Variants in KNTC1 observed in about 807,000 individuals in gnomAD.
The protein encoded by KNTC1 is kinetochore associated 1.
In KNTC1, 253 loss-of-function variants were observed where a neutral mutation model predicts 314.4. That is an observed-to-expected ratio of 0.80 (90% CI 0.73 to 0.89). KNTC1 has a LOEUF of 0.89. KNTC1 is among the 40% of genes least tolerant of loss of function. The pLI is 0.00. For missense variants in KNTC1, 2,475 were observed against 2,572.9 expected, an observed-to-expected ratio of 0.96 and a Z score of 0.82; for synonymous variants, 901 against 901.4, an observed-to-expected ratio of 1.00 and a Z score of 0.01.
intron 27 of KNTC1, among the ~76,000 whole-genome samples, chr12:122,575,178 T>C (rs1791594611): frequency 6.6e-6 from 1 of 152,024 alleles, no homozygotes; most frequent in Admixed American, 6.6e-5. Context: ...GGAGAATCGC[T>C]TGAACCCAGG....
intron 49 of KNTC1, 49 bp from the exon 50 acceptor site, chr12:122,604,828 C>T (rs770202514): frequency 1.3e-6 from 2 of 1,530,978 alleles, no homozygotes; most frequent in Admixed American, 2.0e-5. Context: ...TTGGCTTCAA[C>T]TGAGGCTTAC....
intron 22 of KNTC1, among the ~76,000 whole-genome samples, chr12:122,570,238 C>T (rs1308752745): frequency 6.6e-6 from 1 of 151,686 alleles, no homozygotes; most frequent in Non-Finnish European, 1.5e-5. Flanking sequence ...AAAGAATGAG[C>T]CTGGGTGCAG....
In KNTC1 at chr12:122,584,287, TAAG is replaced by T; in HGVS notation, c.3274_3276del (p.Lys1092del). 1 of 1,609,770 alleles carries T rather than the reference TAAG, an allele frequency of 6.2e-7. No individual in the cohort carries two copies. Among genetic ancestry groups the T allele is most frequent in the Non-Finnish European group, 8.5e-7 (1 of 1,177,480 alleles). The stretch of plus-strand genomic sequence containing the variant: ...TTTCTTTCTTCCAAAGCGACTTGTT[TAAG>T]TATCACTGCAATGCTGACACTGGGA... On this transcript the variant is annotated inframe_deletion, in exon 35 of 64. Coordinates refer to ENST00000333479, the MANE Select transcript of KNTC1 (RefSeq NM_014708.6).
chr12:122,608,253 G>A (rs911526956), intron 51 of KNTC1, among the ~76,000 whole-genome samples: 12 of 152,042 alleles, frequency 7.9e-5, no homozygotes, highest in Admixed American at 1.3e-4. Flanking sequence ...GGGACTGCAG[G>A]TGTCCCAGCT....
In KNTC1 at chr12:122,551,502, C is replaced by A. The variant is rs549673609; in HGVS notation, c.1175C>A (p.Thr392Lys). ...SVSVLVLRCLTEALPENRLSR... is the reference protein window; with the variant it reads ...SVSVLVLRCLKEALPENRLSR... ...TCTGTGTTAGTACTCAGATGTCTTA[C>A]GGAAGCTTTACCAGAAAACAGGTAA... The change falls in exon 15 of 64, where the codon ACG becomes AAG. Residue 392 changes from threonine to lysine, a missense_variant. Transcript: ENST00000333479. The A allele has an allele frequency of 4.4e-6, 7 of 1,599,834 alleles. No homozygotes were observed. Among genetic ancestry groups the A allele is most frequent in the African/African-American group, 1.3e-5 (1 of 74,810 alleles).
intron 19 of KNTC1, 84 bp downstream of exon 19, chr12:122,562,058 A>G (rs1964011836): frequency 1.5e-6 from 2 of 1,334,094 alleles, no homozygotes; most frequent in South Asian, 2.6e-5. Context: ...CCCGTATTTT[A>G]TCAAGAGCAA....
intron 18 of KNTC1, among the ~76,000 whole-genome samples, chr12:122,561,697 G>A (rs900894454): frequency 3.3e-5 from 5 of 151,654 alleles, no homozygotes; most frequent in African/African-American, 4.8e-5. Context: ...CAAGCAGTCC[G>A]CCCGCCTCAG....
chr12:122,551,707 A>G lies in KNTC1; in HGVS notation c.1272+11A>G, dbSNP rs1274583011. ...GGACTAGATGTTGAGGTAATCATTC[A>G]TGTATTCATTTGTTCACCAAACAAG... On this transcript the variant is annotated intron_variant, in intron 16 of 63. Transcript: ENST00000333479. 16 of 1,596,872 alleles carry G rather than the reference A, an allele frequency of 1.0e-5. No individual in the cohort carries two copies. Among genetic ancestry groups the G allele is most frequent in the Non-Finnish European group, 1.4e-5 (16 of 1,164,422 alleles).
Position 122,575,819 on chromosome 12 carries a change from A to T in KNTC1, c.2506A>T (p.Ser836Cys). The change falls in exon 29 of 64, where the codon AGT becomes TGT. Residue 836 changes from serine to cysteine, a missense_variant. Coordinates refer to ENST00000333479, the MANE Select transcript of KNTC1 (RefSeq NM_014708.6). ...DHPKVKLLQE[S>C]YKLMEMKKLL... ...TTTCAGAGTCAAGTTATTACAGGAA[A>T]GTTACAAACTAATGGAGATGAAAAA... 1.2e-6 allele frequency: 2 copies of T among 1,613,058 alleles called. No homozygotes were observed. The highest frequency in any genetic ancestry group is 1.7e-6 in the Non-Finnish European group (2 of 1,179,604).
At chr12:122,603,582 T>G (rs1872228733) in intron 48 of KNTC1, among the ~76,000 whole-genome samples, 1 of 151,900 alleles carries the variant, frequency 6.6e-6, no homozygotes, top group Admixed American at 6.6e-5. Flanking sequence ...AACCTCCACC[T>G]CCCGGGTTCA....
rs113639728 is a variant in KNTC1, at chr12:122,575,922, C to CT, written c.2586+29dup. 0.018 allele frequency: 27,843 copies of CT among 1,569,116 alleles called. 3,038 individuals carry two copies. The African/African-American group carries it at 0.28, about 16-fold the overall frequency. ...ATGGTAAGTACACTCTTCGAAGAGT[C>CT]TTTTTTCTCTTTCATTTCTGGGGCA... is the stretch of plus-strand genomic sequence containing the variant. On this transcript the variant is annotated intron_variant, in intron 29 of 63. Coordinates refer to ENST00000333479, the MANE Select transcript of KNTC1 (RefSeq NM_014708.6).
chr12:122,555,318 A>G (rs966329318), intron 16 of KNTC1, among the ~76,000 whole-genome samples: 1 of 152,032 alleles, frequency 6.6e-6, no homozygotes, highest in Non-Finnish European at 1.5e-5. Flanking sequence ...TTGGGAGGCC[A>G]AGGTGGGTGG....
chr12:122,560,108 G>T (rs1027839795), intron 18 of KNTC1, among the ~76,000 whole-genome samples: 3 of 152,100 alleles, frequency 2.0e-5, no homozygotes, highest in Admixed American at 1.3e-4. Flanking sequence ...ATTTAAGACA[G>T]TACTTGTCTT....
intron 22 of KNTC1, 63 bp downstream of exon 22, chr12:122,569,887 G>C (rs1307374018): frequency 1.7e-5 from 25 of 1,479,296 alleles, no homozygotes; most frequent in Non-Finnish European, 2.3e-5. Context: ...TTAGATCATT[G>C]AGAATTAAGT....
chr12:122,605,138 T>C (rs1035897138), intron 50 of KNTC1, 51 bp downstream of exon 50: 9 of 1,492,408 alleles, frequency 6.0e-6, no homozygotes, highest in Non-Finnish European at 8.2e-6. Context: ...TTATTTTGAT[T>C]CTCAGTTTTA....
intron 16 of KNTC1, among the ~76,000 whole-genome samples, chr12:122,556,468 A>C (rs1269195955): frequency 2.1e-5 from 3 of 142,938 alleles, no homozygotes; most frequent in South Asian, 2.2e-4. Flanking sequence ...TCTAGTTGTC[A>C]CCATTCTACT....
At chr12:122,620,315 CA>C (rs762757958) in intron 59 of KNTC1, 163 bp from the exon 60 acceptor site, 3 of 563,784 alleles carry the variant, frequency 5.3e-6, no homozygotes, top group Non-Finnish European at 9.3e-6. Flanking sequence ...AGAGTGCTGT[CA>C]AAGACTTGTG....
At chr12:122,550,778 C>T (rs567381001) in intron 13 of KNTC1, among the ~76,000 whole-genome samples, 12 of 152,182 alleles carry the variant, frequency 7.9e-5, no homozygotes, top group Non-Finnish European at 1.8e-4. Context: ...GTTAATATTA[C>T]ATGTGTGAGC....
intron 53 of KNTC1, among the ~76,000 whole-genome samples, chr12:122,612,270 T>C (rs1162005853): frequency 6.6e-6 from 1 of 151,896 alleles, no homozygotes; most frequent in Non-Finnish European, 1.5e-5. Flanking sequence ...TTCACCATGT[T>C]GGCCAGGCTG....
Sources: gnomAD v4.1 joint callset for allele counts (sites outside exome capture counted in the v4.1 genomes callset) on GRCh38, gnomAD v4.1.1 for gene constraint, MANE v1.5 for transcripts, NCBI Gene and HGNC (gene_info 2026-07-23, HGNC 2026-07-21) for gene names.